CLVS1: variants seen among roughly 807,000 people sequenced by gnomAD.
CLVS1 encodes clavesin-1.
In CLVS1, 10 loss-of-function variants were observed where a neutral mutation model predicts 33.1. The observed-to-expected ratio is 0.30, with a 90% CI of 0.19 to 0.51. The LOEUF (loss-of-function observed/expected upper bound fraction) is 0.51. Ranked by LOEUF, CLVS1 falls within the 20% of genes least tolerant of loss-of-function variation. The pLI, the probability that CLVS1 is intolerant of heterozygous loss-of-function variation, is 0.97. For missense variants in CLVS1, 343 were observed against 433.4 expected (o/e 0.79, Z 1.85); for synonymous variants, 163 against 166.1 (o/e 0.98, Z 0.14).
At chr8:61,228,970 G>A (rs1228771194) in intron 2 of CLVS1, among the ~76,000 whole-genome samples, 1 of 152,140 alleles carries the variant, frequency 6.6e-6, no homozygotes, top group Non-Finnish European at 1.5e-5. Context: ...CCACCATGCT[G>A]TTTTCCATAA....
At chr8:61,268,801 T>C (rs1809368529) in intron 2 of CLVS1, among the ~76,000 whole-genome samples, 1 of 88,146 alleles carries the variant, frequency 1.1e-5, no homozygotes, top group African/African-American at 4.3e-5. Flanking sequence ...GTTTTTTGGC[T>C]GCATAAATGT....
chr8:61,459,564 C>G (rs530311359), intron 5 of CLVS1, among the ~76,000 whole-genome samples: 22 of 150,708 alleles, frequency 1.5e-4, no homozygotes, highest in Non-Finnish European at 2.7e-4. Context: ...ATCCTTATAG[C>G]TTAGCTCACC....
chr8:61,074,399 T>TTATATATATATATA (rs796909464), intron 1 of CLVS1, among the ~76,000 whole-genome samples: 2 of 55,576 alleles, frequency 3.6e-5, no homozygotes, highest in African/African-American at 4.7e-4. Context: ...TATATATATG[T>TTATATATATATATA]TATATATATA....
chr8:61,001,609 A>C, the CLVS1 span, among the ~76,000 whole-genome samples: 1 of 152,266 alleles, frequency 6.6e-6, no homozygotes, highest in Admixed American at 6.5e-5. Flanking sequence ...TCCTTGTCTT[A>C]CTGCAGAGTA....
At chr8:61,279,354 G>C (rs1188175747) in intron 2 of CLVS1, among the ~76,000 whole-genome samples, 1 of 152,132 alleles carries the variant, frequency 6.6e-6, no homozygotes, top group Non-Finnish European at 1.5e-5. Context: ...GCCCCTCTCT[G>C]CCTCTTGCTT....
chr8:61,148,395 G>T (rs923517970), intron 2 of CLVS1, among the ~76,000 whole-genome samples: 2 of 152,146 alleles, frequency 1.3e-5, no homozygotes, highest in Non-Finnish European at 2.9e-5. Context: ...CAGTACAAAA[G>T]AACAATATTA....
intron 5 of CLVS1, among the ~76,000 whole-genome samples, chr8:61,489,496 A>G (rs1054839784): frequency 6.6e-6 from 1 of 152,206 alleles, no homozygotes; most frequent in Non-Finnish European, 1.5e-5. Flanking sequence ...CCCAGCTTAG[A>G]TTATTGTGAA....
intron 1 of CLVS1, among the ~76,000 whole-genome samples, chr8:61,118,223 C>A (rs1375039217): frequency 6.6e-6 from 1 of 152,018 alleles, no homozygotes. Context: ...GTGATATCCC[C>A]TTTATCATTT....
At chr8:61,260,810 G>C (rs567780165) in intron 2 of CLVS1, among the ~76,000 whole-genome samples, 1 of 152,346 alleles carries the variant, frequency 6.6e-6, no homozygotes, top group South Asian at 2.1e-4. Flanking sequence ...CAAGGAAGCA[G>C]CCTGATCCAG....
the CLVS1 span, among the ~76,000 whole-genome samples, chr8:61,041,951 T>C: frequency 5.9e-5 from 9 of 152,246 alleles, no homozygotes; most frequent in African/African-American, 2.2e-4. Context: ...CTTAATCTCT[T>C]GAGTTTTGAA....
intron 3 of CLVS1, among the ~76,000 whole-genome samples, chr8:61,452,682 C>A (rs1238772269): frequency 6.6e-6 from 1 of 152,180 alleles, no homozygotes; most frequent in Admixed American, 6.5e-5. Context: ...TAGCCCTACA[C>A]TTGTTCTGTT....
intron 3 of CLVS1, among the ~76,000 whole-genome samples, chr8:61,383,443 T>C (rs1813963127): frequency 6.6e-6 from 1 of 152,240 alleles, no homozygotes; most frequent in Non-Finnish European, 1.5e-5. Context: ...ATAGAACAGA[T>C]GGAAGGAGAA....
intron 2 of CLVS1, among the ~76,000 whole-genome samples, chr8:61,361,356 G>A (rs1276466416): frequency 1.3e-5 from 2 of 152,202 alleles, no homozygotes; most frequent in Non-Finnish European, 2.9e-5. Flanking sequence ...TGTAAGCATG[G>A]AATAATAACT....
chr8:61,346,721 C>T (rs1301383857), intron 2 of CLVS1, among the ~76,000 whole-genome samples: 1 of 152,136 alleles, frequency 6.6e-6, no homozygotes, highest in Non-Finnish European at 1.5e-5. Flanking sequence ...GTGCCAAGAG[C>T]ATGGCAGATC....
rs745514567 is a variant in CLVS1 at position 61,499,625 on chromosome 8, C to T, written c.*83C>T. ...GAAGCACATGCACAACTGACCCATG[C>T]AGACACGTGTGTTCTGCTTGACACA... On this transcript the variant is annotated 3_prime_UTR_variant, in exon 6 of 6. Coordinates refer to ENST00000325897, the MANE Select transcript of CLVS1 (RefSeq NM_173519.3). 31 of 944,448 alleles carry T rather than the reference C, an allele frequency of 3.3e-5. No individual in the cohort carries two copies. The highest frequency in any genetic ancestry group is 4.8e-5 in the Non-Finnish European group (28 of 583,760). The allele number at this position is 944,448 out of a possible 1,614,324, so 58.5% of individuals were successfully genotyped here. A position where few individuals can be genotyped will look rare whatever the true frequency, so the allele number is the denominator to read the frequency against.
At chr8:61,019,484 A>C in the CLVS1 span, among the ~76,000 whole-genome samples, 1 of 152,186 alleles carries the variant, frequency 6.6e-6, no homozygotes, top group Non-Finnish European at 1.5e-5. Flanking sequence ...GTGTCAAATG[A>C]AAGGGTCAAA....
chr8:61,408,403 G>T (rs891016293), intron 3 of CLVS1, among the ~76,000 whole-genome samples: 9 of 152,120 alleles, frequency 5.9e-5, no homozygotes, highest in African/African-American at 2.2e-4. Context: ...GAAAAGACAG[G>T]CAAGTGGAAG....
At chr8:61,073,186 G>A (rs1371811666) in intron 1 of CLVS1, among the ~76,000 whole-genome samples, 1 of 152,076 alleles carries the variant, frequency 6.6e-6, no homozygotes, top group Non-Finnish European at 1.5e-5. Context: ...CATATCTTCT[G>A]CTTCTAAATC....
intron 3 of CLVS1, among the ~76,000 whole-genome samples, chr8:61,406,404 T>G (rs997599805): frequency 6.6e-6 from 1 of 152,240 alleles, no homozygotes; most frequent in Admixed American, 6.5e-5. Context: ...AAGAAAGCTC[T>G]TCTTTTTAAA....
Sources: allele counts gnomAD v4.1 joint callset (sites outside exome capture counted in the v4.1 genomes callset), GRCh38; gene constraint gnomAD v4.1.1; transcripts MANE v1.5; gene names NCBI Gene and HGNC (gene_info 2026-07-23, HGNC 2026-07-21).